Variants in KCNJ1 observed in about 807,000 individuals in gnomAD.
KCNJ1 encodes the protein potassium inwardly rectifying channel subfamily J member 1, also known as ATP-sensitive inward rectifier potassium channel 1.
Under a neutral mutation model 21.9 loss-of-function variants are expected in KCNJ1, and 24 were observed. That is an observed-to-expected ratio of 1.10 (90% CI 0.79 to 1.54). The LOEUF is 1.54. Among genes scored for constraint, KCNJ1 ranks in the 40% most tolerant of loss-of-function variants. The pLI is 0.00. For synonymous variants in KCNJ1, 152 were observed against 160.9 expected (o/e 0.94, Z 0.42); for missense variants, 457 against 455.4 (o/e 1.00, Z -0.03).
chr11:128,856,316 C>T (rs1591417734), intron 1 of KCNJ1, among the ~76,000 whole-genome samples: 2 of 152,212 alleles, frequency 1.3e-5, no homozygotes, highest in South Asian at 4.1e-4. Flanking sequence ...TTAGCACGAC[C>T]AGCCTTCCAG....
chr11:128,839,664 C>T lies in KCNJ1; in HGVS notation c.580G>A (p.Val194Met), dbSNP rs777296437. 6.8e-6 allele frequency: 11 copies of T among 1,613,584 alleles called. No individual in the cohort carries two copies. The South Asian group carries it at 1.1e-4, about 16-fold the overall frequency. The change falls in exon 3 of 3, where the codon GTG becomes ATG. Residue 194 changes from valine (V) to methionine (M), a missense_variant. Coordinates refer to ENST00000392666, the MANE Select transcript of KCNJ1 (RefSeq NM_153766.3). ...AGAAGGCTCTTCCTGAGATTAGCCA[C>T]TCGGATTAGGAGGCAAAGCTTCCCT... Reference protein sequence around the residue: ...RGGKLCLLIRVANLRKSLLIG... With the variant: ...RGGKLCLLIRMANLRKSLLIG...
At chr11:128,852,006 A>G (rs994978210) in intron 1 of KCNJ1, among the ~76,000 whole-genome samples, 2 of 152,202 alleles carry the variant, frequency 1.3e-5, no homozygotes. Context: ...AGTCCCAACA[A>G]GTGGCCTATG....
chr11:128,861,501 T>A (rs768618232), intron 1 of KCNJ1, among the ~76,000 whole-genome samples: 1 of 152,160 alleles, frequency 6.6e-6, no homozygotes, highest in Non-Finnish European at 1.5e-5. Context: ...TACCCAGTGA[T>A]CACAGGCTCA....
At chr11:128,860,073 A>AT (rs1346915131) in intron 1 of KCNJ1, among the ~76,000 whole-genome samples, 1 of 134,430 alleles carries the variant, frequency 7.4e-6, no homozygotes, top group African/African-American at 2.8e-5. Flanking sequence ...GTCGGCATTG[A>AT]TTTCAGAAGG....
chr11:128,848,099 T>C (rs1943413894), intron 2 of KCNJ1, among the ~76,000 whole-genome samples: 1 of 151,824 alleles, frequency 6.6e-6, no homozygotes, highest in African/African-American at 2.4e-5. Flanking sequence ...CCATCCTGGC[T>C]AACATGGTGA....
intron 2 of KCNJ1, 45 bp from the exon 3 acceptor site, chr11:128,840,309 C>T: frequency 1.3e-6 from 2 of 1,571,334 alleles, no homozygotes; most frequent in Non-Finnish European, 1.8e-6. Flanking sequence ...ATGTTTATAG[C>T]AATAGTGAAC....
chr11:128,853,469 A>G (rs755249550), intron 1 of KCNJ1, among the ~76,000 whole-genome samples: 9 of 152,190 alleles, frequency 5.9e-5, no homozygotes, highest in Non-Finnish European at 1.3e-4. Context: ...ACAGAGAAAG[A>G]GAGTTAGACT....
chr11:128,850,939 C>T, intron 1 of KCNJ1, 49 bp from the exon 2 acceptor site: 3 of 935,790 alleles, frequency 3.2e-6, no homozygotes, highest in Non-Finnish European at 3.8e-6. Flanking sequence ...AGAGGACAGG[C>T]CCACACAGAA....
At chr11:128,842,404 C>A in intron 2 of KCNJ1, 3 of 1,613,832 alleles carry the variant, frequency 1.9e-6, no homozygotes, top group Non-Finnish European at 2.5e-6. Flanking sequence ...CACATTCCGA[C>A]TGGAAGCATT....
In KCNJ1 at chr11:128,845,480, G is replaced by T. The variant is rs571898058; in HGVS notation, c.-21-5216C>A. ...ATGAAAATCATCTCAAGCTATTGGAGGATCACCACCCTGCTGGATCTGCAA... is the reference window on the plus strand; with the variant it reads ...ATGAAAATCATCTCAAGCTATTGGATGATCACCACCCTGCTGGATCTGCAA... On this transcript the variant is annotated intron_variant, in intron 2 of 2. Coordinates refer to ENST00000392666, the MANE Select transcript of KCNJ1 (RefSeq NM_153766.3). Among the ~76,000 whole-genome samples, 37 of 152,302 alleles carry T rather than the reference G, an allele frequency of 2.4e-4. No individual in the cohort carries two copies. In the South Asian group the frequency reaches 6.8e-3, roughly 28 times the overall value.
At chr11:128,852,318 C>T (rs534071508) in intron 1 of KCNJ1, among the ~76,000 whole-genome samples, 1 of 152,324 alleles carries the variant, frequency 6.6e-6, no homozygotes, top group African/African-American at 2.4e-5. Flanking sequence ...GCTGCTCTTG[C>T]TACTGTGCAG....
chr11:128,839,058 G>T lies in KCNJ1; in HGVS notation c.*67C>A. The stretch of plus-strand genomic sequence containing the variant: ...CTTTCGTACCCCTAAATTGTTGACT[G>T]CTTCATAATGCTTCTAGGTACTAGG... On this transcript the variant is annotated 3_prime_UTR_variant, in exon 3 of 3. Coordinates refer to ENST00000392666, the MANE Select transcript of KCNJ1 (RefSeq NM_153766.3). 1 of 1,434,902 alleles carries T rather than the reference G, an allele frequency of 7.0e-7. No individual in the cohort carries two copies. The highest frequency in any genetic ancestry group is 9.7e-7 in the Non-Finnish European group (1 of 1,029,770). 88.9% of individuals were successfully genotyped at this position (1,434,902 alleles called of 1,614,324 possible). A position where few individuals can be genotyped will look rare whatever the true frequency, so the allele number is the denominator to read the frequency against.
rs138120505 is a variant in KCNJ1 at position 128,839,739 on chromosome 11, G to A, written c.505C>T (p.Arg169Cys). The change falls in exon 3 of 3, where the codon CGT becomes TGT. Residue 169 changes from arginine (R) to cysteine (C), a missense_variant. Coordinates refer to ENST00000392666, the MANE Select transcript of KCNJ1 (RefSeq NM_153766.3). ...TTGCTGAACGTAATGGTCTTGGCACGTTTTTTGGGCCTGGAGATCTTGGCT... is the reference window on the plus strand; with the variant it reads ...TTGCTGAACGTAATGGTCTTGGCACATTTTTTGGGCCTGGAGATCTTGGCT... The part of the protein sequence containing the change: ...ILAKISRPKK[R>C]AKTITFSKNA... 1.4e-4 allele frequency: 227 copies of A among 1,613,726 alleles called. No individual in the cohort carries two copies. In the African/African-American group the frequency reaches 2.3e-3, roughly 16 times the overall value.
intron 1 of KCNJ1, among the ~76,000 whole-genome samples, chr11:128,851,740 C>T (rs1488021121): frequency 1.3e-5 from 2 of 152,146 alleles, no homozygotes; most frequent in East Asian, 3.8e-4. Flanking sequence ...CAAGAATGTA[C>T]ACTTTGTTTT....
intron 1 of KCNJ1, among the ~76,000 whole-genome samples, chr11:128,857,169 C>T (rs1943605460): frequency 6.6e-6 from 1 of 152,192 alleles, no homozygotes; most frequent in African/African-American, 2.4e-5. Context: ...GGCTGCTCCG[C>T]TCTAGGCCTT....
intron 2 of KCNJ1, among the ~76,000 whole-genome samples, chr11:128,845,865 T>C (rs1943371379): frequency 6.6e-6 from 1 of 152,164 alleles, no homozygotes. Context: ...AGTGTGTCTG[T>C]ATCCAGGGTG....
intron 2 of KCNJ1, among the ~76,000 whole-genome samples, chr11:128,846,813 C>T (rs1361743195): frequency 3.3e-5 from 5 of 152,154 alleles, no homozygotes; most frequent in East Asian, 1.9e-4. Flanking sequence ...GTACTACCGG[C>T]GAGGTCTTGG....
At chr11:128,850,955 G>T (rs904197343) in intron 1 of KCNJ1, 65 bp from the exon 2 acceptor site, 7 of 855,730 alleles carry the variant, frequency 8.2e-6, no homozygotes, top group African/African-American at 3.7e-5. Flanking sequence ...CAGAAGCCAG[G>T]GTGAAACTTC....
chr11:128,859,405 C>A (rs565714953), intron 1 of KCNJ1, among the ~76,000 whole-genome samples: 1 of 152,120 alleles, frequency 6.6e-6, no homozygotes, highest in Non-Finnish European at 1.5e-5. Flanking sequence ...AGGCAAGTGC[C>A]CCACTCCGGG....
Sources: allele counts gnomAD v4.1 joint callset (sites outside exome capture counted in the v4.1 genomes callset), GRCh38; gene constraint gnomAD v4.1.1; transcripts MANE v1.5; gene names NCBI Gene and HGNC (gene_info 2026-07-23, HGNC 2026-07-21).